Variants in NEDD9 observed in about 807,000 individuals in gnomAD.
NEDD9 encodes enhancer of filamentation 1.
NEDD9 carries 26 observed loss-of-function variants against 76.6 expected under a neutral mutation model. That is an observed-to-expected ratio of 0.34 (90% CI 0.25 to 0.47). NEDD9 has a LOEUF of 0.47. NEDD9 is among the 20% of genes least tolerant of loss of function. The pLI is 1.00. For synonymous variants in NEDD9, 392 were observed against 414.2 expected, an observed-to-expected ratio of 0.95 and a Z score of 0.65; for missense variants, 937 against 1,058.5, an observed-to-expected ratio of 0.89 and a Z score of 1.59.
In NEDD9 at chr6:11,370,197, T is replaced by A. The variant is rs769377299; in HGVS notation, c.-214+11942A>T. Among the ~76,000 whole-genome samples, 1 of 152,298 alleles carries A rather than the reference T, an allele frequency of 6.6e-6. No individual in the cohort carries two copies. Among genetic ancestry groups the A allele is most frequent in the Middle Eastern group, 3.4e-3 (1 of 294 alleles). The stretch of plus-strand genomic sequence containing the variant: ...GTGGGAACCCAAGGAGGCCAGCCCC[T>A]GAATCACAGGCCTGCTTAGAGTAAA... On this transcript the variant is annotated intron_variant, in intron 1 of 3. Coordinates refer to the NEDD9 transcript ENST00000397378. This position sits in a 1 kb window ranked among gnomAD's most constrained non-coding sequence, Gnocchi z 4.2.
intron 1 of NEDD9, among the ~76,000 whole-genome samples, chr6:11,341,911 C>T (rs181093810): frequency 4.6e-5 from 7 of 152,152 alleles, no homozygotes; most frequent in East Asian, 1.9e-4. Context: ...ATATGTTTTA[C>T]AATATATATT....
chr6:11,279,073 A>G (rs535752961), intron 3 of NEDD9, among the ~76,000 whole-genome samples: 1 of 152,364 alleles, frequency 6.6e-6, no homozygotes, highest in African/African-American at 2.4e-5. Context: ...TATTGTCAAT[A>G]TACTTGATTG....
rs1415128433 is a variant in NEDD9 at position 11,309,990 on chromosome 6, A to G, written c.-152-3835T>C. 6.6e-5 allele frequency among the ~76,000 whole-genome samples: 10 copies of G among 152,312 alleles called. No individual in the cohort carries two copies. The East Asian group carries it at 1.9e-3, about 29-fold the overall frequency. ...AAGTAACAGAGAAATGAGCTGACTG[A>G]TCCAGGGGATACATCGACACGCCAC... On this transcript the variant is annotated intron_variant, in intron 2 of 3. Coordinates refer to the NEDD9 transcript ENST00000397378.
intron 2 of NEDD9, among the ~76,000 whole-genome samples, chr6:11,331,782 A>G (rs1762042932): frequency 6.6e-6 from 1 of 152,204 alleles, no homozygotes; most frequent in African/African-American, 2.4e-5. Flanking sequence ...GTAAGTTTGC[A>G]ATTAACTGAC....
intron 1 of NEDD9, among the ~76,000 whole-genome samples, chr6:11,355,773 G>T (rs190062553): frequency 2.6e-3 from 393 of 151,732 alleles, no homozygotes; most frequent in South Asian, 0.012. Flanking sequence ...CAGGCTGGAG[G>T]GCAGTGGCGC....
chr6:11,288,046 C>T lies in NEDD9; in HGVS notation c.12+17946G>A, dbSNP rs541025621. The stretch of plus-strand genomic sequence containing the variant: ...TTTAGGTTCTTTCCATTCCTCCACT[C>T]TGCAGACTGCTCCTGGCTTGTGATA... On this transcript the variant is annotated intron_variant, in intron 3 of 3. Transcript: ENST00000397378. Among the ~76,000 whole-genome samples the T allele has an allele frequency of 7.9e-5, 12 of 152,344 alleles. No individual in the cohort carries two copies. The South Asian group carries it at 1.9e-3, about 24-fold the overall frequency.
At chr6:11,319,614 C>T (rs1351724647) in intron 2 of NEDD9, among the ~76,000 whole-genome samples, 3 of 99,066 alleles carry the variant, frequency 3.0e-5, no homozygotes, top group African/African-American at 4.2e-5. Context: ...TGCACACTCA[C>T]ACTCACACAC....
chr6:11,205,816 C>G (rs550914839), intron 2 of NEDD9, among the ~76,000 whole-genome samples: 2 of 152,108 alleles, frequency 1.3e-5, no homozygotes, highest in Non-Finnish European at 2.9e-5. Context: ...TTAGTGGAGA[C>G]GGGGTTTCAT....
At chr6:11,378,771 C>G (rs1171546352) in intron 1 of NEDD9, among the ~76,000 whole-genome samples, 1 of 152,152 alleles carries the variant, frequency 6.6e-6, no homozygotes, top group African/African-American at 2.4e-5. Context: ...TCATTGACCT[C>G]TAGTTAAGTG....
chr6:11,352,496 A>T (rs1442789244), intron 1 of NEDD9: 1 of 152,170 alleles, frequency 6.6e-6, no homozygotes, highest in African/African-American at 2.4e-5. Context: ...GTTTCTTTAT[A>T]CAGCTTCTTT....
intron 1 of NEDD9, among the ~76,000 whole-genome samples, chr6:11,349,906 C>G (rs540932636): frequency 6.6e-5 from 10 of 152,254 alleles, no homozygotes; most frequent in African/African-American, 2.4e-4. Flanking sequence ...TGTATATGTA[C>G]CCCTGAACCT....
intron 3 of NEDD9, among the ~76,000 whole-genome samples, chr6:11,278,132 C>T (rs1760453651): frequency 6.6e-6 from 1 of 152,160 alleles, no homozygotes; most frequent in African/African-American, 2.4e-5. Context: ...ATCTTCTTCC[C>T]CTCCCGCTTC....
In NEDD9 at chr6:11,198,185, C is replaced by G. The variant is rs1414510549; in HGVS notation, c.460-4493G>C. On this transcript the variant is annotated intron_variant, in intron 2 of 6. Transcript: ENST00000379446. The surrounding 1 kb of genome is among the most constrained non-coding windows in gnomAD (Gnocchi z 4.7). ...AGAAATTTGGAATTTTATGTGAAAC[C>G]TGGTTTTCAAAATTGACTTAAATTT... 6.6e-6 allele frequency: 1 copy of G among 152,212 alleles called. No homozygotes were observed. Among genetic ancestry groups the G allele is most frequent in the East Asian group, 1.9e-4 (1 of 5,200 alleles). 9.4% of individuals were successfully genotyped at this position (152,212 alleles called of 1,614,324 possible).
intron 1 of NEDD9, among the ~76,000 whole-genome samples, chr6:11,218,257 G>A (rs2113766896): frequency 6.6e-6 from 1 of 152,164 alleles, no homozygotes; most frequent in African/African-American, 2.4e-5. Flanking sequence ...AAGAGCCGCA[G>A]AGGTTTGCTG....
rs564023233 is a variant in NEDD9 at position 11,185,560 on chromosome 6, G to C, written c.2107C>G (p.Gln703Glu). 2 of 1,614,224 alleles carry C rather than the reference G, an allele frequency of 1.2e-6. No homozygotes were observed. The highest frequency in any genetic ancestry group is 4.5e-5 in the East Asian group (2 of 44,896). The change falls in exon 7 of 7, where the codon CAG becomes GAG. Residue 703 changes from glutamine to glutamate, a missense_variant. Coordinates refer to ENST00000379446, the MANE Select transcript of NEDD9 (RefSeq NM_006403.4). ...LPTTNSGVSA[Q>E]DRQLLCFYYD... ...TAGAAGCACAGCAACTGCCGATCCT[G>C]AGCACTCACGCCACTGTTTGTGGTG...
chr6:11,276,154 A>C (rs2113349896), intron 3 of NEDD9, among the ~76,000 whole-genome samples: 1 of 152,374 alleles, frequency 6.6e-6, no homozygotes, highest in African/African-American at 2.4e-5. Context: ...ACAGAGATAG[A>C]TTAAGAAATC....
chr6:11,324,637 G>A (rs1172919073), intron 2 of NEDD9, among the ~76,000 whole-genome samples: 1 of 152,240 alleles, frequency 6.6e-6, no homozygotes, highest in African/African-American at 2.4e-5. Context: ...AAACACAGGA[G>A]ATACGTGTGC....
At chr6:11,204,815 T>C (rs985661555) in intron 2 of NEDD9, among the ~76,000 whole-genome samples, 1 of 151,306 alleles carries the variant, frequency 6.6e-6, no homozygotes, top group Admixed American at 6.6e-5. Context: ...ACATTCTCAG[T>C]GGTACTGGAG....
chr6:11,319,533 A>ACACTC (rs1561832536), intron 2 of NEDD9, among the ~76,000 whole-genome samples: 771 of 58,894 alleles, frequency 0.013, 4 homozygotes, highest in African/African-American at 0.051. Flanking sequence ...CACTCACACT[A>ACACTC]ACATGCGGAC....
Sources: gnomAD v4.1 joint callset for allele counts (sites outside exome capture counted in the v4.1 genomes callset) on GRCh38, gnomAD v4.1.1 for gene constraint, Gnocchi (gnomAD v3.1) non-coding constraint, MANE v1.5 for transcripts, NCBI Gene and HGNC (gene_info 2026-07-23, HGNC 2026-07-21) for gene names.